Variants in ANKFY1 observed in about 807,000 individuals in gnomAD.
ANKFY1 encodes ankyrin repeat and FYVE domain containing 1.
A neutral mutation model predicts 128.3 loss-of-function variants in ANKFY1; 47 were observed. The ratio of observed to expected loss-of-function variants is 0.37; its 90% CI spans 0.29 to 0.47. The LOEUF is 0.47. Among genes scored for constraint, ANKFY1 ranks in the 20% least tolerant of loss-of-function variants. The probability of loss-of-function intolerance (pLI) is 1.00; values close to 1 mark genes in which losing one functional copy is unlikely to be tolerated. For missense variants in ANKFY1, 1,222 were observed against 1,510.6 expected (o/e 0.81, Z 3.17); for synonymous variants, 553 against 601.6 (o/e 0.92, Z 1.18).
intron 1 of ANKFY1, chr17:4,249,073 G>A (rs1967706229): frequency 2.1e-6 from 2 of 965,778 alleles, no homozygotes; most frequent in South Asian, 9.6e-5. Context: ...CAAAAAAGTA[G>A]TTAATCAGCA....
chr17:4,248,207 T>C (rs1165832053), intron 1 of ANKFY1, among the ~76,000 whole-genome samples: 1 of 152,214 alleles, frequency 6.6e-6, no homozygotes, highest in Non-Finnish European at 1.5e-5. Context: ...TGTTAGGAAC[T>C]GGGCCACACC....
At position 4,179,707 on chromosome 17, in the gene ANKFY1, G is replaced by C; in HGVS notation, c.2397+14C>G. ...GGGCTACACCTCTCTCCCCGGAAAA[G>C]AGAAACGACACACCTGTGCGTTCAC... is the stretch of plus-strand genomic sequence containing the variant. On this transcript the variant is annotated intron_variant, in intron 17 of 24. Transcript: ENST00000341657. 2.5e-6 allele frequency: 4 copies of C among 1,612,774 alleles called. No homozygotes were observed. Among genetic ancestry groups the C allele is most frequent in the Non-Finnish European group, 3.4e-6 (4 of 1,179,542 alleles).
At chr17:4,175,942 G>A (rs1463626935) in intron 19 of ANKFY1, among the ~76,000 whole-genome samples, 1 of 152,174 alleles carries the variant, frequency 6.6e-6, no homozygotes, top group Non-Finnish European at 1.5e-5. Flanking sequence ...CGGGCCCCAG[G>A]AAGGCGGGGT....
intron 6 of ANKFY1, among the ~76,000 whole-genome samples, chr17:4,206,936 C>T (rs1045953227): frequency 6.6e-6 from 1 of 152,210 alleles, no homozygotes; most frequent in African/African-American, 2.4e-5. Context: ...AGAGCCATTA[C>T]ATTTCTTTCA....
chr17:4,263,740 G>C, intron 1 of ANKFY1, 192 bp downstream of exon 1: 1 of 1,493,518 alleles, frequency 6.7e-7, no homozygotes, highest in Non-Finnish European at 8.8e-7. Context: ...TCGCGGGAGG[G>C]ACGTTGTCAT....
At chr17:4,239,547 GA>G (rs1967095086) in intron 2 of ANKFY1, among the ~76,000 whole-genome samples, 1 of 151,780 alleles carries the variant, frequency 6.6e-6, no homozygotes, top group Non-Finnish European at 1.5e-5. Context: ...TCGAAATTTT[GA>G]TTTTTTTTTT....
In ANKFY1 at chr17:4,234,632, AT is replaced by A. The variant is rs1189642456; in HGVS notation, c.322+1139del. Among the ~76,000 whole-genome samples, 11 of 152,004 alleles carry A rather than the reference AT, an allele frequency of 7.2e-5. No homozygotes were observed. In the South Asian group the frequency reaches 2.3e-3, roughly 32 times the overall value. ...GGCTCAAGAAATCCATCCACCTCAGATTCCCAACAAGCTGGGACTACAAGCA... is the reference window on the plus strand; with the variant it reads ...GGCTCAAGAAATCCATCCACCTCAGATCCCAACAAGCTGGGACTACAAGCA... On this transcript the variant is annotated intron_variant, in intron 3 of 24. Transcript: ENST00000341657.
At chr17:4,229,050 C>T (rs1476962452) in intron 3 of ANKFY1, among the ~76,000 whole-genome samples, 1 of 152,108 alleles carries the variant, frequency 6.6e-6, no homozygotes, top group African/African-American at 2.4e-5. Flanking sequence ...AGAAATTGAT[C>T]ACAATGAAAA....
chr17:4,173,103 G>A (rs1433609877), intron 21 of ANKFY1, among the ~76,000 whole-genome samples: 3 of 152,242 alleles, frequency 2.0e-5, no homozygotes, highest in Admixed American at 2.0e-4. Flanking sequence ...TGATCCGCCC[G>A]CCTCGGACTC....
At chr17:4,263,636 C>G (rs1968544291) in intron 1 of ANKFY1, 1 of 1,534,772 alleles carries the variant, frequency 6.5e-7, no homozygotes, top group Non-Finnish European at 8.7e-7. Flanking sequence ...AAGAGCCTCC[C>G]GTGCTGCCCT....
chr17:4,239,694 A>G (rs1478571862), intron 2 of ANKFY1, among the ~76,000 whole-genome samples: 1 of 152,040 alleles, frequency 6.6e-6, no homozygotes, highest in Non-Finnish European at 1.5e-5. Context: ...GCGTGCCACC[A>G]CATGTGGCTA....
chr17:4,172,530 G>T (rs773095412), intron 22 of ANKFY1, 26 bp downstream of exon 22: 2 of 1,607,566 alleles, frequency 1.2e-6, no homozygotes, highest in South Asian at 1.1e-5. Flanking sequence ...AAGTGAGACG[G>T]GACATACCCA....
Position 4,169,087 on chromosome 17 carries a change from C to T in ANKFY1, c.3377+111G>A. 1 of 965,230 alleles carries T rather than the reference C, an allele frequency of 1.0e-6. No homozygotes were observed. The highest frequency in any genetic ancestry group is 1.6e-6 in the Non-Finnish European group (1 of 631,512). The allele number at this position is 965,230 out of a possible 1,614,324, so 59.8% of individuals were successfully genotyped here. A position where few individuals can be genotyped will look rare whatever the true frequency, so the allele number is the denominator to read the frequency against. ...CATCCCTCCATTTGGTCAAGGTTTG[C>T]CCATCAATGTGCAGGACCCAGGCAA... On this transcript the variant is annotated intron_variant, in intron 24 of 24. Coordinates refer to ENST00000341657, the MANE Select transcript of ANKFY1 (RefSeq NM_001330063.2). The surrounding 1 kb of genome is among the most constrained non-coding windows in gnomAD (Gnocchi z 5.0).
chr17:4,209,059 CA>C (rs60135844), intron 5 of ANKFY1, among the ~76,000 whole-genome samples: 126,421 of 147,360 alleles, frequency 0.86, 56,334 homozygotes, highest in South Asian at 0.99. Context: ...AACTCAGTCT[CA>C]AAAAAAAAAA....
At position 4,165,247 on chromosome 17, in the gene ANKFY1, G is replaced by C. The variant is rs915054127; in HGVS notation, c.*2532C>G. ...ATCTGGCGATGAGCAAAGGGCAGTT[G>C]AGAGCACATTCAGCATAACAATGTT... On this transcript the variant is annotated 3_prime_UTR_variant, in exon 25 of 25. Transcript: ENST00000341657. 4 of 152,248 alleles carry C rather than the reference G, an allele frequency of 2.6e-5. No individual in the cohort carries two copies. The highest frequency in any genetic ancestry group is 1.3e-4 in the Admixed American group (2 of 15,284). 9.4% of individuals were successfully genotyped at this position (152,248 alleles called of 1,614,324 possible).
chr17:4,262,519 C>T (rs554908974), intron 1 of ANKFY1, among the ~76,000 whole-genome samples: 2 of 152,308 alleles, frequency 1.3e-5, no homozygotes, highest in East Asian at 1.9e-4. Flanking sequence ...ACCTCGGCCT[C>T]CCAAAGTGCT....
intron 3 of ANKFY1, among the ~76,000 whole-genome samples, chr17:4,225,831 A>C (rs1567960396): frequency 6.6e-6 from 1 of 152,102 alleles, no homozygotes; most frequent in Non-Finnish European, 1.5e-5. Flanking sequence ...GCGTGATCTC[A>C]GTTCACTGCA....
chr17:4,223,771 G>A, intron 3 of ANKFY1: 1 of 1,551,390 alleles, frequency 6.4e-7, no homozygotes, highest in Non-Finnish European at 8.9e-7. Context: ...AGAGGCCCAA[G>A]TTTCAGCAGC....
At chr17:4,176,635 G>A (rs755707127) in intron 19 of ANKFY1, among the ~76,000 whole-genome samples, 15 of 152,278 alleles carry the variant, frequency 9.9e-5, no homozygotes, top group Non-Finnish European at 1.5e-4. Flanking sequence ...GACCCTCCCC[G>A]GCCTGGGTGG....
Sources: gnomAD v4.1 joint callset for allele counts (sites outside exome capture counted in the v4.1 genomes callset) on GRCh38, gnomAD v4.1.1 for gene constraint, Gnocchi (gnomAD v3.1) non-coding constraint, MANE v1.5 for transcripts, NCBI Gene and HGNC (gene_info 2026-07-23, HGNC 2026-07-21) for gene names.